SEMA3E: variants seen among roughly 807,000 people sequenced by gnomAD.
SEMA3E encodes semaphorin-3E.
SEMA3E carries 49 observed loss-of-function variants against 93.6 expected under a neutral mutation model. The observed-to-expected ratio is 0.52, with a 90% confidence interval of 0.42 to 0.66. The LOEUF (loss-of-function observed/expected upper bound fraction) is 0.66. Among genes scored for constraint, SEMA3E ranks in the 30% least tolerant of loss-of-function variants. The pLI is 0.00. For synonymous variants in SEMA3E, 363 were observed against 330.7 expected (o/e 1.10, Z -1.06); for missense variants, 906 against 964.8 (o/e 0.94, Z 0.81).
chr7:83,559,686 T>G (rs215268), intron 1 of SEMA3E, among the ~76,000 whole-genome samples: 63,755 of 151,732 alleles, frequency 0.42, 14,221 homozygotes, highest in African/African-American at 0.58. Flanking sequence ...CTAAACACAT[T>G]CTTACCGTAC....
chr7:83,639,664 AT>A (rs1279795984), intron 1 of SEMA3E, among the ~76,000 whole-genome samples: 3 of 148,170 alleles, frequency 2.0e-5, no homozygotes, highest in East Asian at 2.0e-4. Flanking sequence ...ATACATTTAA[AT>A]TTTTTTCTAC....
chr7:83,535,193 C>T lies in SEMA3E; in HGVS notation c.116-44919G>A, dbSNP rs577968441. On this transcript the variant is annotated intron_variant, in intron 1 of 16. Transcript: ENST00000643230. The stretch of plus-strand genomic sequence containing the variant: ...TTTTAGATAAAGACTCTTACTGAGT[C>T]TCATCAAAGAGTTTCATAGCTTGGG... Among the ~76,000 whole-genome samples the T allele has an allele frequency of 2.6e-5, 4 of 152,244 alleles. No homozygotes were observed. The East Asian group carries it at 7.7e-4, about 29-fold the overall frequency.
At chr7:83,610,501 A>T (rs1357824145) in intron 1 of SEMA3E, among the ~76,000 whole-genome samples, 3 of 152,144 alleles carry the variant, frequency 2.0e-5, no homozygotes, top group Admixed American at 2.0e-4. Flanking sequence ...GGTCTACTAC[A>T]TTAATCTAAA....
At chr7:83,508,977 AATGGGCAAGTTTGCACAC>A (rs1244347718) in intron 1 of SEMA3E, among the ~76,000 whole-genome samples, 4 of 152,168 alleles carry the variant, frequency 2.6e-5, no homozygotes, top group African/African-American at 9.7e-5. Flanking sequence ...GGTTTAATCT[AATGGGCAAGTTTGCACAC>A]CTGGTGTAAT....
chr7:83,477,117 GCAAA>G (rs895831105), intron 2 of SEMA3E, among the ~76,000 whole-genome samples: 23 of 152,194 alleles, frequency 1.5e-4, no homozygotes, highest in African/African-American at 5.5e-4. Context: ...TTAGGAGAGT[GCAAA>G]CAAACTAACG....
At chr7:83,579,235 C>T (rs1792471174) in intron 1 of SEMA3E, among the ~76,000 whole-genome samples, 1 of 152,006 alleles carries the variant, frequency 6.6e-6, no homozygotes, top group Admixed American at 6.6e-5. Flanking sequence ...ATTTATTATG[C>T]ATAAACTAGG....
At chr7:83,566,658 TC>T (rs1259647063) in intron 1 of SEMA3E, among the ~76,000 whole-genome samples, 2 of 152,198 alleles carry the variant, frequency 1.3e-5, no homozygotes, top group Non-Finnish European at 2.9e-5. Flanking sequence ...ACTTACGTTT[TC>T]TAAATTTTAA....
At chr7:83,473,607 T>C (rs992922315) in intron 2 of SEMA3E, among the ~76,000 whole-genome samples, 7 of 152,190 alleles carry the variant, frequency 4.6e-5, no homozygotes, top group Non-Finnish European at 8.8e-5. Flanking sequence ...TAAAAATCCA[T>C]ATTTCTGATT....
chr7:83,620,819 A>G (rs369433330), intron 1 of SEMA3E, among the ~76,000 whole-genome samples: 2 of 152,294 alleles, frequency 1.3e-5, no homozygotes, highest in African/African-American at 4.8e-5. Context: ...AATTCTCTAT[A>G]AACTAGATAT....
intron 1 of SEMA3E, among the ~76,000 whole-genome samples, chr7:83,506,845 A>C (rs1240634571): frequency 6.6e-6 from 1 of 152,226 alleles, no homozygotes; most frequent in African/African-American, 2.4e-5. Context: ...TTTATACGAT[A>C]AGTTAAAATG....
At chr7:83,588,174 G>A (rs545111095) in intron 1 of SEMA3E, among the ~76,000 whole-genome samples, 76 of 152,164 alleles carry the variant, frequency 5.0e-4, no homozygotes, top group Middle Eastern at 6.8e-3. Context: ...ATGAGGTCAG[G>A]AGATTGAGAC....
intron 1 of SEMA3E, among the ~76,000 whole-genome samples, chr7:83,635,105 C>A (rs2115686596): frequency 6.6e-6 from 1 of 151,954 alleles, no homozygotes; most frequent in Middle Eastern, 3.4e-3. Context: ...TTCATCTGAC[C>A]AGAAATATGT....
chr7:83,607,570 C>T (rs1347022515), intron 1 of SEMA3E, among the ~76,000 whole-genome samples: 2 of 152,050 alleles, frequency 1.3e-5, no homozygotes, highest in African/African-American at 4.8e-5. Context: ...GGGTCATTGG[C>T]TTATTCTTGA....
intron 1 of SEMA3E, among the ~76,000 whole-genome samples, chr7:83,521,987 A>G (rs1791060270): frequency 6.6e-6 from 1 of 152,124 alleles, no homozygotes; most frequent in South Asian, 2.1e-4. Context: ...GGGCAGAGAC[A>G]AAAATTTGAC....
chr7:83,421,178 A>G lies in SEMA3E; in HGVS notation c.457-2695T>C, dbSNP rs1788663768. Among the ~76,000 whole-genome samples the G allele has an allele frequency of 1.4e-5, 2 of 142,504 alleles. 1 individual carries two copies. Among genetic ancestry groups the G allele is most frequent in the Admixed American group, 1.4e-4 (2 of 14,390 alleles). 93.5% of individuals were successfully genotyped at this position (142,504 alleles called of 152,430 possible). On this transcript the variant is annotated intron_variant, in intron 4 of 16. Transcript: ENST00000643230. Reference sequence around the variant, plus strand: ...AAATGTACTCTCAATAATTTGGAATATTTATTTTCAATTTTATTCTTCATC... The same window carrying G: ...AAATGTACTCTCAATAATTTGGAATGTTTATTTTCAATTTTATTCTTCATC...
At chr7:83,469,541 C>T (rs536950160) in intron 2 of SEMA3E, among the ~76,000 whole-genome samples, 1 of 152,000 alleles carries the variant, frequency 6.6e-6, no homozygotes, top group Non-Finnish European at 1.5e-5. Flanking sequence ...TGAAAGCTCA[C>T]TTCAAGTCTT....
At chr7:83,497,436 A>G (rs967341596) in intron 1 of SEMA3E, among the ~76,000 whole-genome samples, 11 of 152,162 alleles carry the variant, frequency 7.2e-5, no homozygotes, top group African/African-American at 2.7e-4. Flanking sequence ...TGAGTTAATT[A>G]CGTTATTCAA....
At chr7:83,550,611 G>T (rs1237170718) in intron 1 of SEMA3E, among the ~76,000 whole-genome samples, 1 of 152,028 alleles carries the variant, frequency 6.6e-6, no homozygotes, top group Non-Finnish European at 1.5e-5. Flanking sequence ...CATTTAAAGA[G>T]AATTTTTGTT....
At chr7:83,406,510 A>C (rs977504127) in intron 7 of SEMA3E, among the ~76,000 whole-genome samples, 11 of 151,932 alleles carry the variant, frequency 7.2e-5, no homozygotes, top group African/African-American at 2.7e-4. Flanking sequence ...ATGTATATAA[A>C]TATATACATA....
Sources: allele counts gnomAD v4.1 joint callset (sites outside exome capture counted in the v4.1 genomes callset), GRCh38; gene constraint gnomAD v4.1.1; transcripts MANE v1.5; gene names NCBI Gene and HGNC (gene_info 2026-07-23, HGNC 2026-07-21).